The following CTSD variants were observed in gnomAD, a reference collection of about 807,000 sequenced individuals.
CTSD encodes the protein ceroid-lipofuscinosis, neuronal 10.
CTSD carries 28 observed loss-of-function variants against 43.6 expected under a neutral mutation model. The observed-to-expected ratio is 0.64, with a 90% confidence interval of 0.48 to 0.88. The LOEUF is 0.88. CTSD is among the 40% of genes least tolerant of loss of function. The probability of loss-of-function intolerance (pLI) is 0.00; values close to 1 mark genes in which losing one functional copy is unlikely to be tolerated. For missense variants in CTSD, 485 were observed against 555.2 expected, an observed-to-expected ratio of 0.87 and a Z score of 1.27; for synonymous variants, 270 against 249.8, an observed-to-expected ratio of 1.08 and a Z score of -0.76.
Position 1,759,709 on chromosome 11 carries a change from C to T in CTSD, c.229-70G>A, listed in dbSNP as rs1015068037. On this transcript the variant is annotated intron_variant, in intron 2 of 8. Transcript: ENST00000236671. The stretch of plus-strand genomic sequence containing the variant: ...TCTCCCCACTGGGCCTCAGAAGGCC[C>T]GGCTGTCCCCAGAGCCAAGGCCCAT... 49 of 1,526,880 alleles carry T rather than the reference C, an allele frequency of 3.2e-5. No individual in the cohort carries two copies. In the African/African-American group the frequency reaches 4.0e-4, roughly 12 times the overall value. 94.6% of individuals were successfully genotyped at this position (1,526,880 alleles called of 1,614,324 possible). A position where few individuals can be genotyped will look rare whatever the true frequency, so the allele number is the denominator to read the frequency against.
intron 5 of CTSD, among the ~76,000 whole-genome samples, 167 bp downstream of exon 5, chr11:1,757,157 G>A (rs1417156616): frequency 1.3e-5 from 2 of 152,358 alleles, no homozygotes; most frequent in East Asian, 3.9e-4. Context: ...CTCCTCTGCA[G>A]AAGGGCGGCC....
rs760934292 is a variant in CTSD, at chr11:1,759,095, G to A, written c.353-8C>T. 28 of 1,595,802 alleles carry A rather than the reference G, an allele frequency of 1.8e-5. No individual in the cohort carries two copies. The highest frequency in any genetic ancestry group is 2.2e-5 in the South Asian group (2 of 90,696). On this transcript the variant is annotated splice_polypyrimidine_tract_variant and splice_region_variant and intron_variant, in intron 3 of 8. Coordinates refer to ENST00000236671, the MANE Select transcript of CTSD (RefSeq NM_001909.5). Reference sequence around the variant, plus strand: ...TGTACTTGTGGTGGATCCCTGCCCCGGGCGACAAGGGGGCCCGCCGGTCAT... The same window carrying A: ...TGTACTTGTGGTGGATCCCTGCCCCAGGCGACAAGGGGGCCCGCCGGTCAT...
At chr11:1,755,943 C>T (rs1845803952) in intron 5 of CTSD, among the ~76,000 whole-genome samples, 1 of 152,168 alleles carries the variant, frequency 6.6e-6, no homozygotes, top group Admixed American at 6.5e-5. Context: ...CCCTCAGACC[C>T]TCCCTCCTGC....
chr11:1,759,588 C>A lies in CTSD; in HGVS notation c.280G>T (p.Val94Phe). The part of the protein sequence containing the change: ...GIGTPPQCFT[V>F]VFDTGSSNLW... ...TTGGAGGAGCCCGTGTCGAAGACGACTGTGAAGCACTGGGGGGGCGTCCCG... is the reference window on the plus strand; with the variant it reads ...TTGGAGGAGCCCGTGTCGAAGACGAATGTGAAGCACTGGGGGGGCGTCCCG... Residue 94 changes from valine (V) to phenylalanine (F), a missense_variant, in exon 3 of 9, where the codon GTC becomes TTC. Physicochemically the swap from Val to Phe is conservative, Grantham distance 50. Transcript: ENST00000236671. The A allele has an allele frequency of 6.2e-7, 1 of 1,613,564 alleles. No homozygotes were observed. The highest frequency in any genetic ancestry group is 8.5e-7 in the Non-Finnish European group (1 of 1,179,978).
intron 2 of CTSD, among the ~76,000 whole-genome samples, chr11:1,759,989 G>A (rs558980629): frequency 3.3e-5 from 5 of 152,342 alleles, no homozygotes; most frequent in East Asian, 1.9e-4. Context: ...CCTGAGCCCC[G>A]GGTGCAGGAA....
In CTSD at chr11:1,752,883, A is replaced by C. The variant is rs1845743883; in HGVS notation, c.*620T>G. On this transcript the variant is annotated 3_prime_UTR_variant, in exon 9 of 9. Transcript: ENST00000236671. ...AGCCCCCAATCCCAACCCCACCTCC[A>C]GGCCAATACATGCCCCTGGGACTGG... 1.2e-5 allele frequency: 2 copies of C among 160,978 alleles called. No homozygotes were observed. Among genetic ancestry groups the C allele is most frequent in the South Asian group, 3.3e-4 (2 of 5,992 alleles). 10.0% of individuals were successfully genotyped at this position (160,978 alleles called of 1,614,324 possible).
intron 6 of CTSD, among the ~76,000 whole-genome samples, chr11:1,754,541 AG>A (rs1489108837): frequency 8.5e-5 from 3 of 35,226 alleles, no homozygotes; most frequent in African/African-American, 1.1e-4. Context: ...GGAGGGATGG[AG>A]GGATGGAGGG....
rs755446072 is a variant in CTSD, at chr11:1,761,497, G to A, written c.69-29C>T. The A allele has an allele frequency of 3.1e-6, 5 of 1,613,220 alleles. No individual in the cohort carries two copies. In the East Asian group the frequency reaches 8.9e-5, roughly 29 times the overall value. On this transcript the variant is annotated intron_variant, in intron 1 of 8. Coordinates refer to ENST00000236671, the MANE Select transcript of CTSD (RefSeq NM_001909.5). The stretch of plus-strand genomic sequence containing the variant: ...TCAACCACGGGTCGGGGCATATCAG[G>A]GAGGCCCTCCCGCCTGCCGGCCGAC...
intron 5 of CTSD, 158 bp from the exon 6 acceptor site, chr11:1,755,186 G>C: frequency 1.2e-6 from 1 of 850,196 alleles, no homozygotes; most frequent in South Asian, 1.4e-5. Flanking sequence ...GGCAGGAGGA[G>C]GGACAGACTC....
rs1329271985 is a variant in CTSD, at chr11:1,754,603, G to A, written c.827+303C>T. Among the ~76,000 whole-genome samples, 58 of 142,448 alleles carry A rather than the reference G, an allele frequency of 4.1e-4. 2 individuals carry two copies. Among genetic ancestry groups the A allele is most frequent in the African/African-American group, 1.4e-3 (52 of 38,146 alleles). 93.5% of individuals were successfully genotyped at this position (142,448 alleles called of 152,430 possible). On this transcript the variant is annotated intron_variant, in intron 6 of 8. Transcript: ENST00000236671. ...GTCATGAAGAGTCACAGAGGGATGA[G>A]GGGATGGAGGGGATGGAGGGCATGG...
At chr11:1,755,510 G>A (rs79583447) in intron 5 of CTSD, among the ~76,000 whole-genome samples, 1,635 of 152,218 alleles carry the variant, frequency 0.011, 45 homozygotes, top group East Asian at 0.11. Context: ...CTGCATCCCC[G>A]AGCCACGTCC....
rs1215340901 is a variant in CTSD at position 1,761,340 on chromosome 11, G to A, written c.197C>T (p.Pro66Leu). 1 of 1,613,876 alleles carries A rather than the reference G, an allele frequency of 6.2e-7. No homozygotes were observed. The highest frequency in any genetic ancestry group is 1.3e-5 in the African/African-American group (1 of 75,056). The change falls in exon 2 of 9, where the codon CCC becomes CTC. Residue 66 changes from proline to leucine, a missense_variant. Transcript: ENST00000236671. ...SQAVPAVTEG[P>L]IPEVLKNYMD... The stretch of plus-strand genomic sequence containing the variant: ...GTAGTTCTTGAGCACCTCGGGAATG[G>A]GCCCCTCGGTCACGGCTGGCACCGC...
chr11:1,756,151 T>G (rs1205473346), intron 5 of CTSD, among the ~76,000 whole-genome samples: 1 of 135,388 alleles, frequency 7.4e-6, no homozygotes, highest in Non-Finnish European at 1.6e-5. Context: ...TGTGTGCCCC[T>G]CCCCCACATG....
rs900408135 is a variant in CTSD, at chr11:1,753,581, G to A, written c.1161C>T (p.Asp387=). ...PPSGPLWILG[D]VFIGRYYTVF... ...CAGTGTAGTAGCGGCCGATGAAGACGTCGCCCAGGATCCAGAGTGGCCCGC... is the reference window on the plus strand; with the variant it reads ...CAGTGTAGTAGCGGCCGATGAAGACATCGCCCAGGATCCAGAGTGGCCCGC... Residue 387 remains aspartate (D), a synonymous_variant, in exon 9 of 9, where the codon GAC becomes GAT. Transcript: ENST00000236671. 3.1e-6 allele frequency: 5 copies of A among 1,612,958 alleles called. No individual in the cohort carries two copies. In the African/African-American group the frequency reaches 5.3e-5, roughly 17 times the overall value.
intron 5 of CTSD, among the ~76,000 whole-genome samples, chr11:1,755,884 G>C (rs1452029572): frequency 1.3e-5 from 2 of 152,242 alleles, no homozygotes; most frequent in East Asian, 1.9e-4. Flanking sequence ...GTAGAAACCT[G>C]ATCAGCGCCT....
chr11:1,761,663 C>G, intron 1 of CTSD, 195 bp from the exon 2 acceptor site: 1 of 662,904 alleles, frequency 1.5e-6, no homozygotes, highest in Non-Finnish European at 2.7e-6. Context: ...TGCCCCCCGC[C>G]AGGTTGCACA....
rs2133664795 is a variant in CTSD, at chr11:1,760,025, TG to T, written c.229-387del. Among the ~76,000 whole-genome samples, 2 of 152,180 alleles carry T rather than the reference TG, an allele frequency of 1.3e-5. 1 individual carries two copies. Among genetic ancestry groups the T allele is most frequent in the East Asian group, 3.9e-4 (2 of 5,194 alleles). ...AGCCCGGCCTGGAAGACTCCCCTGG[TG>T]GCCCGCAGTCCAAGGTCTGAGAAAG... On this transcript the variant is annotated intron_variant, in intron 2 of 8. Transcript: ENST00000236671.
chr11:1,756,110 G>A (rs184404685), intron 5 of CTSD, among the ~76,000 whole-genome samples: 5 of 149,268 alleles, frequency 3.3e-5, no homozygotes, highest in Non-Finnish European at 5.9e-5. Flanking sequence ...TACTCATACC[G>A]TGTGCCCCTC....
chr11:1,762,835 C>G (rs1252748327), intron 1 of CTSD, among the ~76,000 whole-genome samples: 1 of 152,222 alleles, frequency 6.6e-6, no homozygotes, highest in African/African-American at 2.4e-5. Context: ...TACCCGCCCC[C>G]GGGCCATTCC....
Sources: allele counts gnomAD v4.1 joint callset (sites outside exome capture counted in the v4.1 genomes callset), GRCh38; gene constraint gnomAD v4.1.1; transcripts MANE v1.5; gene names NCBI Gene and HGNC (gene_info 2026-07-23, HGNC 2026-07-21).